Variants in MYT1L observed in about 807,000 individuals in gnomAD.
MYT1L encodes myelin transcription factor 1-like protein.
MYT1L carries 12 observed loss-of-function variants against 126.7 expected under a neutral mutation model. That is an observed-to-expected ratio of 0.09 (90% CI 0.06 to 0.15). MYT1L has a LOEUF of 0.15. MYT1L is among the 10% of genes least tolerant of loss of function. MYT1L has a pLI of 1.00. For missense variants in MYT1L, 979 were observed against 1,585.2 expected (o/e 0.62, Z 6.49); for synonymous variants, 541 against 604.2 (o/e 0.90, Z 1.53).
chr2:1,937,219 C>T (rs1293012328), intron 9 of MYT1L, among the ~76,000 whole-genome samples: 3 of 152,190 alleles, frequency 2.0e-5, no homozygotes, highest in East Asian at 1.9e-4. Context: ...ACCCCCACAT[C>T]GACTCTGCCT....
At position 1,919,798 on chromosome 2, in the gene MYT1L, G is replaced by A. The variant is rs570420114; in HGVS notation, c.1484-2459C>T. Among the ~76,000 whole-genome samples, 6 of 152,066 alleles carry A rather than the reference G, an allele frequency of 3.9e-5. No individual in the cohort carries two copies. The South Asian group carries it at 6.3e-4, about 16-fold the overall frequency. ...GGCTGGAGTTCAGTGGCACAATCTC[G>A]GCTCACTGCAAGCTCCGCCTCCCAG... On this transcript the variant is annotated intron_variant, in intron 10 of 24. Transcript: ENST00000647738.
In MYT1L at chr2:1,801,662, T is replaced by C; in HGVS notation, c.3276+34A>G. On this transcript the variant is annotated intron_variant, in intron 23 of 24. Coordinates refer to ENST00000647738, the MANE Select transcript of MYT1L (RefSeq NM_001303052.2). The surrounding 1 kb of genome is among the most constrained non-coding windows in gnomAD (Gnocchi z 4.2). ...GTATCTCTGGTATAATGGCGCGTGT[T>C]AGAGCTAAAATTGAGGGCTTCAAAA... 7.3e-7 allele frequency: 1 copy of C among 1,367,892 alleles called. No homozygotes were observed. The highest frequency in any genetic ancestry group is 1.0e-6 in the Non-Finnish European group (1 of 964,106). The allele number at this position is 1,367,892 out of a possible 1,614,324, so 84.7% of individuals were successfully genotyped here. A position where few individuals can be genotyped will look rare whatever the true frequency, so the allele number is the denominator to read the frequency against.
intron 3 of MYT1L, among the ~76,000 whole-genome samples, chr2:2,116,811 T>C (rs1301968581): frequency 6.6e-6 from 1 of 151,928 alleles, no homozygotes; most frequent in Admixed American, 6.6e-5. Flanking sequence ...GTGCAGGGAG[T>C]GAGGGAGGTG....
chr2:2,116,789 C>T (rs577489727), intron 3 of MYT1L, among the ~76,000 whole-genome samples: 1 of 152,232 alleles, frequency 6.6e-6, no homozygotes, highest in Non-Finnish European at 1.5e-5. Flanking sequence ...AAGACACCCA[C>T]GTGGAGAGGC....
intron 2 of MYT1L, among the ~76,000 whole-genome samples, chr2:2,250,903 T>C (rs866057715): frequency 6.2e-4 from 95 of 152,220 alleles, no homozygotes; most frequent in African/African-American, 1.7e-3. Flanking sequence ...TCTTTAAATA[T>C]ATAAAGAAAA....
chr2:1,971,213 C>G (rs1177493761), intron 8 of MYT1L, among the ~76,000 whole-genome samples: 6 of 151,984 alleles, frequency 3.9e-5, no homozygotes, highest in African/African-American at 1.4e-4. Flanking sequence ...AAATCATGCT[C>G]TAAGATGCAT....
rs1235851408 is a variant in MYT1L, at chr2:2,295,703, GAC to G, written c.-520-11202_-520-11201del. ...AGACAGACAGAGAGAGAGAGAGAGAGACAGACAGACAGAGAGAGAGATAGAGA... is the reference window on the plus strand; with the variant it reads ...AGACAGACAGAGAGAGAGAGAGAGAGAGACAGACAGAGAGAGAGATAGAGA... On this transcript the variant is annotated intron_variant, in intron 1 of 24. Coordinates refer to ENST00000647738, the MANE Select transcript of MYT1L (RefSeq NM_001303052.2). 1.9e-3 allele frequency among the ~76,000 whole-genome samples: 225 copies of G among 116,876 alleles called. 3 individuals carry two copies. The highest frequency in any genetic ancestry group is 5.3e-3 in the African/African-American group (179 of 33,464). 76.7% of individuals were successfully genotyped at this position (116,876 alleles called of 152,430 possible).
intron 3 of MYT1L, among the ~76,000 whole-genome samples, chr2:2,116,917 C>T (rs1308214783): frequency 1.3e-5 from 2 of 152,210 alleles, no homozygotes; most frequent in African/African-American, 2.4e-5. Flanking sequence ...TCAGAAGACT[C>T]CAGACACATC....
intron 18 of MYT1L, among the ~76,000 whole-genome samples, chr2:1,879,775 G>C (rs2047317878): frequency 6.6e-6 from 1 of 151,964 alleles, no homozygotes; most frequent in African/African-American, 2.4e-5. Flanking sequence ...AAGTCATCCG[G>C]AAGTTAAAAA....
At chr2:2,094,978 C>T (rs1182979432) in intron 3 of MYT1L, among the ~76,000 whole-genome samples, 1 of 152,340 alleles carries the variant, frequency 6.6e-6, no homozygotes, top group Admixed American at 6.5e-5. Context: ...GCCCTGTTGT[C>T]ACCTGCTGCT....
At chr2:1,846,537 C>A in intron 19 of MYT1L, among the ~76,000 whole-genome samples, 1 of 152,134 alleles carries the variant, frequency 6.6e-6, no homozygotes, top group East Asian at 1.9e-4. Flanking sequence ...AGCATACGGA[C>A]AGCTCCAGCG....
intron 2 of MYT1L, among the ~76,000 whole-genome samples, chr2:2,187,439 G>GA (rs2148705912): frequency 6.6e-6 from 1 of 151,956 alleles, no homozygotes; most frequent in South Asian, 2.1e-4. Context: ...TAATTACACG[G>GA]CGCGTGCGGG....
At chr2:2,135,203 C>A (rs2082888225) in intron 3 of MYT1L, among the ~76,000 whole-genome samples, 2 of 152,092 alleles carry the variant, frequency 1.3e-5, no homozygotes, top group Non-Finnish European at 2.9e-5. Context: ...TGGGAGGGGC[C>A]TGGTGGAGGG....
At chr2:2,239,991 T>C (rs1449765927) in intron 2 of MYT1L, among the ~76,000 whole-genome samples, 2 of 152,180 alleles carry the variant, frequency 1.3e-5, no homozygotes, top group African/African-American at 4.8e-5. Flanking sequence ...TCCTTGTCTC[T>C]TACTCTTTTA....
intron 2 of MYT1L, among the ~76,000 whole-genome samples, chr2:2,273,180 G>T (rs1244497645): frequency 6.6e-6 from 1 of 152,182 alleles, no homozygotes; most frequent in East Asian, 1.9e-4. Flanking sequence ...TTCCTCTGCT[G>T]GGGCACCAAT....
intron 3 of MYT1L, among the ~76,000 whole-genome samples, chr2:2,146,695 G>A (rs562343191): frequency 1.5e-4 from 23 of 152,248 alleles, no homozygotes; most frequent in Admixed American, 3.9e-4. Flanking sequence ...TCTACACAGT[G>A]AACAATTTCC....
chr2:2,175,076 G>A (rs2090568948), intron 2 of MYT1L, among the ~76,000 whole-genome samples: 1 of 152,024 alleles, frequency 6.6e-6, no homozygotes, highest in African/African-American at 2.4e-5. Flanking sequence ...GTGTGAATTC[G>A]TAGCTTTGAG....
chr2:2,287,854 A>G (rs1276015919), intron 1 of MYT1L, among the ~76,000 whole-genome samples: 1 of 152,260 alleles, frequency 6.6e-6, no homozygotes, highest in Non-Finnish European at 1.5e-5. Context: ...CTCAAACTCT[A>G]TTAAGCCCGA....
In MYT1L at chr2:2,169,307, A is replaced by G. The variant is rs540310620; in HGVS notation, c.-304+3565T>C. 4.0e-4 allele frequency among the ~76,000 whole-genome samples: 61 copies of G among 152,284 alleles called. 3 individuals carry two copies. In the South Asian group the frequency reaches 0.011, roughly 28 times the overall value. ...TGCAGGTTGTGTTTCCGCTCTCTCA[A>G]TCACCTCTTTTGGCTTTTTCTGTAA... On this transcript the variant is annotated intron_variant, in intron 3 of 24. Coordinates refer to ENST00000647738, the MANE Select transcript of MYT1L (RefSeq NM_001303052.2).
Sources: allele counts gnomAD v4.1 joint callset (sites outside exome capture counted in the v4.1 genomes callset), GRCh38; gene constraint gnomAD v4.1.1; non-coding constraint Gnocchi (gnomAD v3.1); transcripts MANE v1.5; gene names NCBI Gene and HGNC (gene_info 2026-07-23, HGNC 2026-07-21).